FOCAD: variants seen among roughly 807,000 people sequenced by gnomAD.
FOCAD encodes the protein focadhesin.
A neutral mutation model predicts 225.6 loss-of-function variants in FOCAD; 198 were observed. The ratio of observed to expected loss-of-function variants is 0.88; its 90% CI spans 0.78 to 0.99. The LOEUF (loss-of-function observed/expected upper bound fraction) is 0.99. FOCAD is among the 50% of genes least tolerant of loss of function. FOCAD has a pLI of 0.00. For missense variants in FOCAD, 2,713 were observed against 2,123.6 expected, an observed-to-expected ratio of 1.28 and a Z score of -5.46; for synonymous variants, 897 against 755.0, an observed-to-expected ratio of 1.19 and a Z score of -3.08.
chr9:20,797,151 G>A (rs986332330), intron 11 of FOCAD, among the ~76,000 whole-genome samples: 5 of 152,020 alleles, frequency 3.3e-5, no homozygotes, highest in African/African-American at 9.7e-5. Flanking sequence ...ATTTCTGAGG[G>A]CTCTGTTCTG....
intron 1 of FOCAD, among the ~76,000 whole-genome samples, chr9:20,699,610 C>T (rs1001512512): frequency 1.9e-4 from 28 of 149,564 alleles, no homozygotes; most frequent in African/African-American, 5.9e-4. Flanking sequence ...TGGTGGCGGG[C>T]GCCTGTAGTC....
rs1295620862 is a variant in FOCAD at position 20,777,493 on chromosome 9, AC to A, written c.907-1186del. On this transcript the variant is annotated intron_variant, in intron 8 of 43. Coordinates refer to ENST00000338382, the MANE Select transcript of FOCAD (RefSeq NM_001375567.1). ...TTGTGTTTTATTAATATTTATTAAA[AC>A]CTAATATACACATCTTTTTTTCATT... 2.0e-5 allele frequency among the ~76,000 whole-genome samples: 3 copies of A among 151,892 alleles called. No homozygotes were observed. In the East Asian group the frequency reaches 5.8e-4, roughly 29 times the overall value.
intron 1 of FOCAD, among the ~76,000 whole-genome samples, chr9:20,700,009 G>GA (rs951261907): frequency 2.0e-5 from 3 of 151,404 alleles, no homozygotes; most frequent in African/African-American, 7.3e-5. Flanking sequence ...ACGCTAATAT[G>GA]AAATGATTTA....
At chr9:20,690,739 G>A (rs908688197) in intron 1 of FOCAD, among the ~76,000 whole-genome samples, 1 of 151,896 alleles carries the variant, frequency 6.6e-6, no homozygotes, top group Non-Finnish European at 1.5e-5. Flanking sequence ...GTAGCGGTGG[G>A]GGTCTTACCA....
intron 5 of FOCAD, among the ~76,000 whole-genome samples, chr9:20,742,943 C>A (rs1230963119): frequency 1.3e-5 from 2 of 152,096 alleles, no homozygotes; most frequent in Non-Finnish European, 2.9e-5. Context: ...TTATGGAGAG[C>A]CCTTATGTGA....
At chr9:20,820,567 T>C in intron 13 of FOCAD, 142 bp downstream of exon 13, 2 of 634,366 alleles carry the variant, frequency 3.2e-6, no homozygotes, top group Middle Eastern at 2.7e-4. Flanking sequence ...TTTTGATTTA[T>C]TGTGATGCAT....
At chr9:20,662,032 A>T (rs1821743126) in intron 2 of FOCAD, among the ~76,000 whole-genome samples, 3 of 152,346 alleles carry the variant, frequency 2.0e-5, no homozygotes, top group African/African-American at 7.2e-5. Flanking sequence ...AAAAATGGGG[A>T]ATTATGAATA....
At chr9:20,910,169 T>G (rs576743258) in intron 22 of FOCAD, among the ~76,000 whole-genome samples, 22 of 152,144 alleles carry the variant, frequency 1.4e-4, no homozygotes, top group African/African-American at 4.8e-4. Context: ...TTAGATTTCT[T>G]CCCATTAAGA....
At chr9:20,952,898 G>A (rs1044885427) in intron 34 of FOCAD, 87 bp from the exon 35 acceptor site, 14 of 1,032,886 alleles carry the variant, frequency 1.4e-5, no homozygotes, top group Non-Finnish European at 2.1e-5. Flanking sequence ...TTGTCTCTAG[G>A]TTGATATGGC....
At chr9:20,924,449 A>G (rs1452883926) in intron 25 of FOCAD, among the ~76,000 whole-genome samples, 1 of 152,190 alleles carries the variant, frequency 6.6e-6, no homozygotes, top group Admixed American at 6.5e-5. Context: ...CTCTTTCAGA[A>G]CCTATTTCTC....
chr9:20,881,385 G>A (rs1006005611), intron 19 of FOCAD, among the ~76,000 whole-genome samples: 1 of 152,214 alleles, frequency 6.6e-6, no homozygotes, highest in African/African-American at 2.4e-5. Context: ...ATGGTCAGAA[G>A]TTGTGATTTT....
intron 21 of FOCAD, among the ~76,000 whole-genome samples, chr9:20,887,392 G>A (rs368789909): frequency 5.3e-5 from 8 of 151,908 alleles, no homozygotes; most frequent in Admixed American, 1.3e-4. Context: ...GCGCCACCAC[G>A]CCCAGCTAAT....
At chr9:20,781,660 C>G (rs892128835) in intron 9 of FOCAD, 67 bp from the exon 10 acceptor site, 4 of 1,455,896 alleles carry the variant, frequency 2.7e-6, no homozygotes, top group East Asian at 4.6e-5. Context: ...CATTCTTAAG[C>G]AAAATTGCAT....
At chr9:20,685,843 A>G (rs563464034) in intron 1 of FOCAD, among the ~76,000 whole-genome samples, 1 of 152,194 alleles carries the variant, frequency 6.6e-6, no homozygotes, top group Non-Finnish European at 1.5e-5. Flanking sequence ...CTGATAACCA[A>G]AAGGTTATCA....
At chr9:20,798,092 C>T (rs990622469) in intron 11 of FOCAD, among the ~76,000 whole-genome samples, 7 of 152,142 alleles carry the variant, frequency 4.6e-5, no homozygotes, top group African/African-American at 1.7e-4. Flanking sequence ...TTTTCTGCAT[C>T]TATTGAGATA....
intron 11 of FOCAD, among the ~76,000 whole-genome samples, chr9:20,790,877 T>C (rs1162878859): frequency 2.0e-5 from 3 of 152,232 alleles, no homozygotes; most frequent in African/African-American, 7.2e-5. Context: ...ACTGCTGATA[T>C]CTCACAAAGA....
intron 21 of FOCAD, 44 bp from the exon 22 acceptor site, chr9:20,907,106 T>A: frequency 2.8e-6 from 4 of 1,421,910 alleles, no homozygotes; most frequent in Non-Finnish European, 3.9e-6. Flanking sequence ...TATTCTTTTT[T>A]AATACTGTGT....
chr9:20,874,443 A>G (rs893493978), intron 18 of FOCAD: 1 of 406,000 alleles, frequency 2.5e-6, no homozygotes, highest in Non-Finnish European at 4.3e-6. Flanking sequence ...TACTGTATTA[A>G]CATAAGCTTT....
In FOCAD at chr9:20,857,318, G is replaced by A. The variant is rs1828285480; in HGVS notation, c.1921-5260G>A. 2.0e-5 allele frequency among the ~76,000 whole-genome samples: 3 copies of A among 151,416 alleles called. No individual in the cohort carries two copies. The South Asian group carries it at 6.3e-4, about 32-fold the overall frequency. ...ATTGTAGAGATCTCTCATTTCTTTG[G>A]TTAAGTTTATTCCTATGTATTTTAT... On this transcript the variant is annotated intron_variant, in intron 15 of 43. Transcript: ENST00000338382.
Sources: gnomAD v4.1 joint callset for allele counts (sites outside exome capture counted in the v4.1 genomes callset) on GRCh38, gnomAD v4.1.1 for gene constraint, MANE v1.5 for transcripts, NCBI Gene and HGNC (gene_info 2026-07-23, HGNC 2026-07-21) for gene names.